The following ZBTB16 variants were observed in gnomAD, a reference collection of about 807,000 sequenced individuals.
ZBTB16 encodes zinc finger and BTB domain containing 16.
Under a neutral mutation model 56.8 loss-of-function variants are expected in ZBTB16, and 8 were observed. The ratio of observed to expected loss-of-function variants is 0.14; its 90% CI spans 0.08 to 0.25. ZBTB16 has a LOEUF of 0.25. ZBTB16 is among the 10% of genes least tolerant of loss of function. ZBTB16 has a pLI of 1.00. For synonymous variants in ZBTB16, 363 were observed against 368.5 expected (o/e 0.98, Z 0.17); for missense variants, 625 against 903.0 (o/e 0.69, Z 3.95).
At chr11:114,130,532 G>T (rs906051010) in intron 2 of ZBTB16, among the ~76,000 whole-genome samples, 1 of 152,216 alleles carries the variant, frequency 6.6e-6, no homozygotes, top group Non-Finnish European at 1.5e-5. Context: ...GCGAGCACAC[G>T]CATCTACAAA....
At chr11:114,093,337 T>TC (rs1555132199) in intron 2 of ZBTB16, among the ~76,000 whole-genome samples, 1 of 150,988 alleles carries the variant, frequency 6.6e-6, no homozygotes, top group Non-Finnish European at 1.5e-5. Context: ...GCTGGGGGTG[T>TC]GGAGGGGGGA....
At chr11:114,128,239 G>A (rs1333500987) in intron 2 of ZBTB16, among the ~76,000 whole-genome samples, 1 of 152,328 alleles carries the variant, frequency 6.6e-6, no homozygotes, top group African/African-American at 2.4e-5. Flanking sequence ...GGATCCCAAG[G>A]TGTTGGTGGT....
chr11:114,229,499 A>C (rs1222941192), intron 4 of ZBTB16, among the ~76,000 whole-genome samples: 4 of 152,200 alleles, frequency 2.6e-5, no homozygotes, highest in African/African-American at 9.6e-5. Flanking sequence ...ACTTTACGGT[A>C]CAGAAGTATA....
intron 2 of ZBTB16, among the ~76,000 whole-genome samples, chr11:114,078,487 T>G (rs1939646833): frequency 6.6e-6 from 1 of 152,218 alleles, no homozygotes; most frequent in African/African-American, 2.4e-5. Context: ...CAATAAGCTG[T>G]CTGAGAAACA....
At chr11:114,155,340 G>A (rs1244137606) in intron 2 of ZBTB16, among the ~76,000 whole-genome samples, 2 of 152,228 alleles carry the variant, frequency 1.3e-5, no homozygotes, top group Non-Finnish European at 2.9e-5. Context: ...GTGTGGGTGG[G>A]CGGCAGCTTG....
chr11:114,235,667 T>TTTCC (rs1944556785), intron 4 of ZBTB16, among the ~76,000 whole-genome samples: 1 of 23,700 alleles, frequency 4.2e-5, no homozygotes, highest in African/African-American at 1.1e-4. Flanking sequence ...TCTTTCTTTC[T>TTTCC]TTCTTTCTTT....
chr11:114,171,908 C>T (rs577964002), intron 3 of ZBTB16, among the ~76,000 whole-genome samples: 2 of 152,358 alleles, frequency 1.3e-5, no homozygotes, highest in South Asian at 4.1e-4. Context: ...GTTAATGAGG[C>T]GTTCCGCCTC....
rs371722805 is a variant in ZBTB16 at position 114,060,043 on chromosome 11, G to A, written c.-91+161G>A. Among the ~76,000 whole-genome samples the A allele has an allele frequency of 8.7e-4, 132 of 152,304 alleles. 1 individual carries two copies. Among genetic ancestry groups the A allele is most frequent in the South Asian group, 7.2e-3 (35 of 4,834 alleles). ...GTGTTCCCTTCCTGCCGCTGCAGCC[G>A]TCGCCGCCACCGGTTGGGGGTCGGC... On this transcript the variant is annotated intron_variant, in intron 1 of 6. Transcript: ENST00000335953. This position sits in a 1 kb window ranked among gnomAD's most constrained non-coding sequence, Gnocchi z 6.0.
chr11:114,244,985 T>TGATTAAAGTCGTAATCGTTGCC (rs1428709423), intron 5 of ZBTB16, among the ~76,000 whole-genome samples: 3 of 152,216 alleles, frequency 2.0e-5, no homozygotes, highest in Admixed American at 6.5e-5. Context: ...ACTGAATCTT[T>TGATTAAAGTCGTAATCGTTGCC]GATTAAAGTC....
At chr11:114,164,543 T>C (rs1430051236) in intron 3 of ZBTB16, among the ~76,000 whole-genome samples, 11 of 152,232 alleles carry the variant, frequency 7.2e-5, no homozygotes, top group Non-Finnish European at 1.5e-4. Context: ...TATGGGGTTA[T>C]TGGGGAGGGA....
intron 4 of ZBTB16, among the ~76,000 whole-genome samples, chr11:114,193,145 C>A (rs534669305): frequency 7.2e-5 from 11 of 152,270 alleles, no homozygotes; most frequent in African/African-American, 2.2e-4. Flanking sequence ...GATGGGGCTC[C>A]TCAGCTGGAG....
At chr11:114,160,087 G>A (rs765807898) in intron 3 of ZBTB16, among the ~76,000 whole-genome samples, 1 of 152,094 alleles carries the variant, frequency 6.6e-6, no homozygotes, top group Non-Finnish European at 1.5e-5. Flanking sequence ...AGAGCCGAAC[G>A]GCTCTCACTT....
At chr11:114,108,943 C>G (rs1029969107) in intron 2 of ZBTB16, among the ~76,000 whole-genome samples, 1 of 152,220 alleles carries the variant, frequency 6.6e-6, no homozygotes, top group Non-Finnish European at 1.5e-5. Flanking sequence ...CCCAGCCAGT[C>G]CTAGCTTCAC....
chr11:114,167,019 A>G (rs995369021), intron 3 of ZBTB16, among the ~76,000 whole-genome samples: 2 of 152,038 alleles, frequency 1.3e-5, no homozygotes, highest in African/African-American at 4.8e-5. Context: ...GAAGGGAGGG[A>G]AAAAATAACA....
intron 2 of ZBTB16, among the ~76,000 whole-genome samples, chr11:114,071,335 T>A (rs1939340855): frequency 6.6e-6 from 1 of 152,076 alleles, no homozygotes; most frequent in East Asian, 1.9e-4. Flanking sequence ...TTGAAGATGA[T>A]TTCCTTTATT....
chr11:114,108,289 A>C (rs1011632751), intron 2 of ZBTB16, among the ~76,000 whole-genome samples: 12 of 152,154 alleles, frequency 7.9e-5, no homozygotes, highest in African/African-American at 1.4e-4. Context: ...CGAGTCTTTC[A>C]GCTCAGGAGC....
chr11:114,124,170 C>T (rs567252160), intron 2 of ZBTB16, among the ~76,000 whole-genome samples: 3 of 152,120 alleles, frequency 2.0e-5, no homozygotes, highest in African/African-American at 7.2e-5. Flanking sequence ...TAGCAGTCAC[C>T]GTAAGTGTGA....
intron 2 of ZBTB16, among the ~76,000 whole-genome samples, chr11:114,065,668 G>A (rs879857387): frequency 2.0e-5 from 3 of 152,180 alleles, no homozygotes; most frequent in African/African-American, 4.8e-5. Flanking sequence ...GGCCTGCTTC[G>A]GCCTCCCAAA....
At chr11:114,173,691 T>C (rs988039117) in intron 3 of ZBTB16, among the ~76,000 whole-genome samples, 1 of 152,176 alleles carries the variant, frequency 6.6e-6, no homozygotes, top group Admixed American at 6.5e-5. Context: ...GCAGAGGCCT[T>C]TACAGCCGAG....
Sources: allele counts gnomAD v4.1 joint callset (sites outside exome capture counted in the v4.1 genomes callset), GRCh38; gene constraint gnomAD v4.1.1; non-coding constraint Gnocchi (gnomAD v3.1); transcripts MANE v1.5; gene names NCBI Gene and HGNC (gene_info 2026-07-23, HGNC 2026-07-21).